Variants in ST8SIA6 observed in about 807,000 individuals in gnomAD.
ST8SIA6 encodes the protein ST8 alpha-N-acetyl-neuraminide alpha-2,8-sialyltransferase 6.
A neutral mutation model predicts 33.6 loss-of-function variants in ST8SIA6; 39 were observed. The ratio of observed to expected loss-of-function variants is 1.16; its 90% CI spans 0.90 to 1.52. The LOEUF is 1.52. Among genes scored for constraint, ST8SIA6 ranks in the 40% most tolerant of loss-of-function variants. The probability of loss-of-function intolerance (pLI) is 0.00; values close to 1 mark genes in which losing one functional copy is unlikely to be tolerated. For missense variants in ST8SIA6, 441 were observed against 443.8 expected (o/e 0.99, Z 0.06); for synonymous variants, 172 against 167.2 (o/e 1.03, Z -0.22).
chr10:17,346,716 A>G (rs1848848912), intron 4 of ST8SIA6, among the ~76,000 whole-genome samples: 1 of 152,206 alleles, frequency 6.6e-6, no homozygotes, highest in African/African-American at 2.4e-5. Flanking sequence ...TTATGCAGCA[A>G]TAGATAACCA....
At chr10:17,356,054 T>A (rs1361373287) in intron 4 of ST8SIA6, among the ~76,000 whole-genome samples, 4 of 152,240 alleles carry the variant, frequency 2.6e-5, no homozygotes, top group African/African-American at 9.6e-5. Context: ...AAATCACTCA[T>A]TCTGATATTC....
chr10:17,433,031 C>G (rs1043347027), intron 2 of ST8SIA6, among the ~76,000 whole-genome samples: 9 of 152,164 alleles, frequency 5.9e-5, no homozygotes, highest in Non-Finnish European at 2.9e-5. Context: ...CTGAATCTGC[C>G]GTGATTCTGG....
chr10:17,386,200 CAT>C (rs1159939897), intron 3 of ST8SIA6, among the ~76,000 whole-genome samples: 5 of 148,326 alleles, frequency 3.4e-5, no homozygotes, highest in East Asian at 2.0e-4. Context: ...CACACACACA[CAT>C]ACACACAGGC....
chr10:17,355,740 G>A (rs1194812201), intron 4 of ST8SIA6, among the ~76,000 whole-genome samples: 1 of 152,126 alleles, frequency 6.6e-6, no homozygotes, highest in African/African-American at 2.4e-5. Flanking sequence ...TTGGGCTCCT[G>A]GTAGCTACAG....
intron 3 of ST8SIA6, among the ~76,000 whole-genome samples, chr10:17,382,233 A>G (rs578138820): frequency 5.0e-4 from 75 of 150,806 alleles, no homozygotes; most frequent in African/African-American, 1.6e-3. Context: ...GAATTTTCCA[A>G]TAAAAGAAGT....
chr10:17,380,880 C>T (rs1427826539), intron 3 of ST8SIA6, among the ~76,000 whole-genome samples: 7 of 144,112 alleles, frequency 4.9e-5, no homozygotes, highest in East Asian at 2.1e-4. Context: ...TATGTGTACA[C>T]GTTTGTGTGT....
At chr10:17,379,927 C>A (rs546217638) in intron 3 of ST8SIA6, among the ~76,000 whole-genome samples, 2 of 152,152 alleles carry the variant, frequency 1.3e-5, no homozygotes, top group South Asian at 2.1e-4. Flanking sequence ...ATGCCCCTCA[C>A]CTTTGACAAA....
In ST8SIA6 at chr10:17,337,400, A is replaced by T. The variant is rs182947410; in HGVS notation, c.378-5848T>A. 5.9e-4 allele frequency among the ~76,000 whole-genome samples: 90 copies of T among 152,286 alleles called. 1 individual carries two copies. Among genetic ancestry groups the T allele is most frequent in the African/African-American group, 1.9e-3 (81 of 41,550 alleles). On this transcript the variant is annotated intron_variant, in intron 4 of 7. Transcript: ENST00000377602. ...GAGTAGTAGTCCATGGTATGGATGTACCAGAGTTGGTTTAGCCATCCCCCT... is the reference window on the plus strand; with the variant it reads ...GAGTAGTAGTCCATGGTATGGATGTTCCAGAGTTGGTTTAGCCATCCCCCT...
rs191554784 is a variant in ST8SIA6, at chr10:17,383,674, G to T, written c.290+6857C>A. ...CTTCAACAGGTGCTTTTAAATGCAC[G>T]TTTCTAATAACTTTGTAGATTGTGA... On this transcript the variant is annotated intron_variant, in intron 3 of 7. Transcript: ENST00000377602. Among the ~76,000 whole-genome samples the T allele has an allele frequency of 1.4e-3, 206 of 152,206 alleles. 1 individual carries two copies. Among genetic ancestry groups the T allele is most frequent in the African/African-American group, 4.7e-3 (197 of 41,552 alleles).
intron 2 of ST8SIA6, among the ~76,000 whole-genome samples, chr10:17,405,789 G>A (rs1022495016): frequency 2.6e-5 from 4 of 151,272 alleles, no homozygotes; most frequent in Non-Finnish European, 5.9e-5. Flanking sequence ...GACTGAGGCA[G>A]GAGAATTACT....
chr10:17,408,650 A>T (rs932480277), intron 2 of ST8SIA6, among the ~76,000 whole-genome samples: 7 of 152,026 alleles, frequency 4.6e-5, no homozygotes, highest in African/African-American at 1.7e-4. Context: ...ACAGAGCGAG[A>T]TTGTCTCAAA....
chr10:17,448,422 G>A (rs181008171), intron 2 of ST8SIA6, among the ~76,000 whole-genome samples: 2 of 152,116 alleles, frequency 1.3e-5, no homozygotes, highest in Non-Finnish European at 2.9e-5. Context: ...GTGGACAGCT[G>A]CCACCAAAAG....
intron 2 of ST8SIA6, among the ~76,000 whole-genome samples, chr10:17,436,282 G>C (rs902765046): frequency 6.6e-6 from 1 of 151,096 alleles, no homozygotes; most frequent in Admixed American, 6.6e-5. Context: ...GAGGGTCCCT[G>C]GGGGGGAGGT....
chr10:17,452,294 A>G (rs1564472150), intron 2 of ST8SIA6, among the ~76,000 whole-genome samples: 1 of 152,232 alleles, frequency 6.6e-6, no homozygotes, highest in Non-Finnish European at 1.5e-5. Flanking sequence ...AGCCACTTCC[A>G]GACCCTTCTT....
intron 2 of ST8SIA6, among the ~76,000 whole-genome samples, chr10:17,420,566 G>A (rs1851750540): frequency 6.6e-6 from 1 of 152,080 alleles, no homozygotes. Context: ...TATCTCCTGG[G>A]GCTGATTTAG....
chr10:17,336,992 A>G (rs551150723), intron 4 of ST8SIA6, among the ~76,000 whole-genome samples: 1 of 152,214 alleles, frequency 6.6e-6, no homozygotes, highest in East Asian at 1.9e-4. Context: ...CTGTGTCCTC[A>G]TCCAAACCTC....
At position 17,336,331 on chromosome 10, in the gene ST8SIA6, T is replaced by C. The variant is rs150756539; in HGVS notation, c.378-4779A>G. Among the ~76,000 whole-genome samples the C allele has an allele frequency of 8.3e-4, 127 of 152,244 alleles. 1 individual carries two copies. The East Asian group carries it at 0.023, about 27-fold the overall frequency. On this transcript the variant is annotated intron_variant, in intron 4 of 7. Coordinates refer to ENST00000377602, the MANE Select transcript of ST8SIA6 (RefSeq NM_001004470.3). ...TAGGAAAGTTAAAAGAACTGGACAATAAGCGCTTGAATAACCAGCAGTTAG... is the reference window on the plus strand; with the variant it reads ...TAGGAAAGTTAAAAGAACTGGACAACAAGCGCTTGAATAACCAGCAGTTAG...
chr10:17,418,555 G>A (rs1426243692), intron 2 of ST8SIA6, among the ~76,000 whole-genome samples: 2 of 152,288 alleles, frequency 1.3e-5, no homozygotes, highest in African/African-American at 4.8e-5. Context: ...ATGACAAAAG[G>A]AGGATTCGAA....
chr10:17,378,676 A>G (rs1186486435), intron 3 of ST8SIA6, among the ~76,000 whole-genome samples: 1 of 152,162 alleles, frequency 6.6e-6, no homozygotes, highest in African/African-American at 2.4e-5. Flanking sequence ...GTGCATCTCC[A>G]ATGCGTGAAC....
Sources: allele counts gnomAD v4.1 joint callset (sites outside exome capture counted in the v4.1 genomes callset), GRCh38; gene constraint gnomAD v4.1.1; transcripts MANE v1.5; gene names NCBI Gene and HGNC (gene_info 2026-07-23, HGNC 2026-07-21).